TDRD9: variants seen among roughly 807,000 people sequenced by gnomAD.
TDRD9 encodes tudor domain containing 9.
Under a neutral mutation model 172.6 loss-of-function variants are expected in TDRD9, and 124 were observed. That is an observed-to-expected ratio of 0.72 (90% CI 0.62 to 0.83). TDRD9 has a LOEUF of 0.83. Ranked by LOEUF, TDRD9 falls within the 40% of genes least tolerant of loss-of-function variation. TDRD9 has a pLI of 0.00. For missense variants in TDRD9, 1,479 were observed against 1,714.1 expected (o/e 0.86, Z 2.42); for synonymous variants, 619 against 617.1 (o/e 1.00, Z -0.05).
At chr14:104,051,956 C>G (rs887013724) in intron 35 of TDRD9, 25 bp from the exon 36 acceptor site, 1 of 1,523,164 alleles carries the variant, frequency 6.6e-7, no homozygotes, top group Non-Finnish European at 9.0e-7. Context: ...CAGAGCCTGA[C>G]TGGTCCGCTT....
chr14:103,998,345 T>G (rs2034130416), intron 12 of TDRD9, among the ~76,000 whole-genome samples: 1 of 152,106 alleles, frequency 6.6e-6, no homozygotes. Flanking sequence ...AGAACGTTAC[T>G]CTTTCGGGTG....
intron 1 of TDRD9, among the ~76,000 whole-genome samples, chr14:103,948,382 G>A (rs1168435344): frequency 3.3e-5 from 5 of 152,096 alleles, no homozygotes; most frequent in Admixed American, 3.3e-4. Flanking sequence ...GAACCCCTGT[G>A]TACTGTTGGT....
intron 8 of TDRD9, among the ~76,000 whole-genome samples, chr14:103,989,015 C>G (rs1339810267): frequency 6.6e-6 from 1 of 151,998 alleles, no homozygotes; most frequent in East Asian, 1.9e-4. Flanking sequence ...GTTTTCAGCA[C>G]AAAAAAACTT....
chr14:104,000,099 G>A (rs1000479077), intron 13 of TDRD9, among the ~76,000 whole-genome samples: 3 of 151,882 alleles, frequency 2.0e-5, no homozygotes, highest in Non-Finnish European at 2.9e-5. Flanking sequence ...AGACTGAGGC[G>A]GGTAGATGCC....
intron 7 of TDRD9, among the ~76,000 whole-genome samples, chr14:103,982,336 A>G (rs1429309267): frequency 2.0e-5 from 3 of 152,146 alleles, no homozygotes; most frequent in Non-Finnish European, 2.9e-5. Flanking sequence ...CCCGCAGGCA[A>G]TTCATTTATT....
intron 6 of TDRD9, among the ~76,000 whole-genome samples, chr14:103,973,987 C>T (rs1566751508): frequency 6.6e-6 from 1 of 152,156 alleles, no homozygotes; most frequent in Admixed American, 6.5e-5. Context: ...CGCCTGAGCT[C>T]ACAAGTGTGA....
intron 20 of TDRD9, among the ~76,000 whole-genome samples, chr14:104,009,576 A>G (rs1421301872): frequency 6.6e-6 from 1 of 152,220 alleles, no homozygotes; most frequent in African/African-American, 2.4e-5. Flanking sequence ...GACTTGGGCT[A>G]CACTAAGTTC....
intron 33 of TDRD9, among the ~76,000 whole-genome samples, chr14:104,040,742 C>T (rs2035589402): frequency 6.6e-6 from 1 of 152,184 alleles, no homozygotes; most frequent in South Asian, 2.1e-4. Context: ...GGCCTGGTGA[C>T]CATGCTGAGC....
chr14:103,995,290 G>A (rs1352893356), intron 11 of TDRD9, among the ~76,000 whole-genome samples: 1 of 152,198 alleles, frequency 6.6e-6, no homozygotes, highest in Middle Eastern at 3.2e-3. Flanking sequence ...GTTTTAACAA[G>A]ACCCTTCTAG....
chr14:103,938,427 TATA>T (rs1566723195), intron 1 of TDRD9, among the ~76,000 whole-genome samples: 16 of 56,260 alleles, frequency 2.8e-4, no homozygotes, highest in African/African-American at 1.1e-3. Context: ...TATATATATA[TATA>T]TATATATATA....
At chr14:104,032,741 G>C (rs182361883) in intron 30 of TDRD9, among the ~76,000 whole-genome samples, 1 of 152,316 alleles carries the variant, frequency 6.6e-6, no homozygotes, top group Admixed American at 6.5e-5. Flanking sequence ...ACAGTTGTTT[G>C]TCTTCATGAA....
chr14:104,009,789 A>T (rs1278739269), intron 20 of TDRD9, among the ~76,000 whole-genome samples: 2 of 152,088 alleles, frequency 1.3e-5, no homozygotes, highest in Admixed American at 1.3e-4. Flanking sequence ...TTTTTGAGCT[A>T]GGATCTCACT....
At position 103,998,730 on chromosome 14, in the gene TDRD9, T is replaced by C; in HGVS notation, c.1483+2T>C. On this transcript the variant is annotated splice_donor_variant, in intron 13 of 35. Transcript: ENST00000409874. LOFTEE classifies it high-confidence loss of function. ...AAACCAGCTGTAATCAGAGAAAAGG[T>C]AAGACATTTGTGTTAAAGCACAATA... The C allele has an allele frequency of 6.7e-7, 1 of 1,497,324 alleles. No homozygotes were observed. The highest frequency in any genetic ancestry group is 9.3e-7 in the Non-Finnish European group (1 of 1,073,886). The allele number at this position is 1,497,324 out of a possible 1,614,324, so 92.8% of individuals were successfully genotyped here.
chr14:104,046,513 A>G (rs2035781881), intron 34 of TDRD9, among the ~76,000 whole-genome samples: 1 of 152,236 alleles, frequency 6.6e-6, no homozygotes, highest in African/African-American at 2.4e-5. Flanking sequence ...TACCTTGGTC[A>G]AAAATGAATT....
At chr14:103,982,783 C>A (rs2033524840) in intron 7 of TDRD9, among the ~76,000 whole-genome samples, 1 of 152,102 alleles carries the variant, frequency 6.6e-6, no homozygotes, top group Non-Finnish European at 1.5e-5. Context: ...CGCCTGTAAT[C>A]CCAGCTACTC....
rs1174187540 is a variant in TDRD9, at chr14:103,970,521, C to T, written c.766-20C>T. On this transcript the variant is annotated intron_variant, in intron 5 of 35. Transcript: ENST00000409874. ...GTTGCCTGATGCCATGTGGGGGGTG[C>T]CCCCTTTTTTATTTTGTAGGTACAC... The T allele has an allele frequency of 4.5e-6, 7 of 1,543,348 alleles. No homozygotes were observed. In the Admixed American group the frequency reaches 9.8e-5, roughly 22 times the overall value.
At chr14:103,982,164 C>T (rs925713276) in intron 7 of TDRD9, among the ~76,000 whole-genome samples, 1 of 152,182 alleles carries the variant, frequency 6.6e-6, no homozygotes, top group Non-Finnish European at 1.5e-5. Flanking sequence ...GTTTCCCCCT[C>T]CCCATTGTCA....
At chr14:103,940,959 A>C in intron 1 of TDRD9, 1 of 1,535,466 alleles carries the variant, frequency 6.5e-7, no homozygotes, top group South Asian at 1.2e-5. Context: ...CAGAAGGAGC[A>C]GAGCAGTCCA....
intron 24 of TDRD9, among the ~76,000 whole-genome samples, chr14:104,023,184 CAAAAAAAAAA>C (rs10661391): frequency 6.2e-5 from 4 of 64,456 alleles, no homozygotes; most frequent in Admixed American, 2.7e-4. Flanking sequence ...GACTCCGTCT[CAAAAAAAAAA>C]AAAAAAAAAA....
Sources: allele counts gnomAD v4.1 joint callset (sites outside exome capture counted in the v4.1 genomes callset), GRCh38; gene constraint gnomAD v4.1.1; transcripts MANE v1.5; gene names NCBI Gene and HGNC (gene_info 2026-07-23, HGNC 2026-07-21).